The following XRCC6 variants were observed in gnomAD, a reference collection of about 807,000 sequenced individuals.
XRCC6 encodes X-ray repair cross complementing 6, also known as DNA repair protein Ku70.
XRCC6 carries 5 observed loss-of-function variants against 65.7 expected under a neutral mutation model. The observed-to-expected ratio is 0.08, with a 90% CI of 0.04 to 0.16. XRCC6 has a LOEUF of 0.16. Among genes scored for constraint, XRCC6 ranks in the 10% least tolerant of loss-of-function variants. The pLI is 1.00. For synonymous variants in XRCC6, 270 were observed against 270.6 expected (o/e 1.00, Z 0.02); for missense variants, 447 against 738.1 (o/e 0.61, Z 4.57).
At chr22:41,628,267 C>G in intron 3 of XRCC6, 37 bp downstream of exon 3, 3 of 1,560,816 alleles carry the variant, frequency 1.9e-6, no homozygotes, top group Non-Finnish European at 1.8e-6. Context: ...AATTTAAAAA[C>G]AGTATTGGCT....
rs1390461982 is a variant in XRCC6 at position 41,637,659 on chromosome 22, C to A, written c.641C>A (p.Ser214Tyr). The A allele has an allele frequency of 6.2e-7, 1 of 1,611,526 alleles. No homozygotes were observed. Among genetic ancestry groups the A allele is most frequent in the African/African-American group, 1.3e-5 (1 of 74,960 alleles). Residue 214 changes from serine (S) to tyrosine (Y), a missense_variant, in exon 6 of 13, where the codon TCC becomes TAC. Physicochemically the swap from Ser to Tyr is moderately radical, Grantham distance 144. Coordinates refer to ENST00000360079, the MANE Select transcript of XRCC6 (RefSeq NM_001469.5). ...HLKKPGGFDI[S>Y]LFYRDIISIA... ...AAGAAACCTGGGGGCTTTGACATAT[C>A]CTTGTTCTACAGAGATATCATCAGC...
At chr22:41,656,215 CAAAA>C (rs132783) in intron 9 of XRCC6, among the ~76,000 whole-genome samples, 1 of 127,214 alleles carries the variant, frequency 7.9e-6, no homozygotes. Flanking sequence ...GATCCTGTCT[CAAAA>C]AAAAAAAAAA....
intron 6 of XRCC6, among the ~76,000 whole-genome samples, chr22:41,646,161 G>A (rs1280953197): frequency 6.6e-6 from 1 of 152,002 alleles, no homozygotes; most frequent in Admixed American, 6.6e-5. Context: ...AAATTAGCTG[G>A]GTGTCGTGGC....
chr22:41,635,894 T>C (rs982879838), intron 3 of XRCC6, among the ~76,000 whole-genome samples: 2 of 152,168 alleles, frequency 1.3e-5, no homozygotes, highest in African/African-American at 2.4e-5. Context: ...GGACTGCTTA[T>C]ACTTCTAATG....
chr22:41,626,678 C>G (rs1446556982), intron 2 of XRCC6, among the ~76,000 whole-genome samples: 10 of 148,562 alleles, frequency 6.7e-5, no homozygotes, highest in Admixed American at 4.0e-4. Flanking sequence ...CACTCTGTCA[C>G]CTAGGCTGGA....
At chr22:41,641,722 T>C (rs1220789798) in intron 6 of XRCC6, among the ~76,000 whole-genome samples, 4 of 152,188 alleles carry the variant, frequency 2.6e-5, no homozygotes, top group African/African-American at 4.8e-5. Flanking sequence ...TGTGCCTGGC[T>C]TATTTCACTT....
At chr22:41,653,458 C>T (rs1182565045) in intron 8 of XRCC6, 71 bp from the exon 9 acceptor site, 1 of 1,424,912 alleles carries the variant, frequency 7.0e-7, no homozygotes, top group East Asian at 2.3e-5. Context: ...GGAAGAGAAA[C>T]TTTAGGGCTA....
At chr22:41,634,543 T>A (rs1030894231) in intron 3 of XRCC6, among the ~76,000 whole-genome samples, 4 of 140,406 alleles carry the variant, frequency 2.8e-5, no homozygotes, top group African/African-American at 8.8e-5. Context: ...ACTGATGAAC[T>A]CTCTTTTTTT....
intron 2 of XRCC6, among the ~76,000 whole-genome samples, chr22:41,625,346 C>CCATG (rs760018646): frequency 2.0e-5 from 3 of 151,946 alleles, no homozygotes; most frequent in Non-Finnish European, 4.4e-5. Flanking sequence ...AAGCAGCAGG[C>CCATG]CATGCACAGT....
intron 6 of XRCC6, among the ~76,000 whole-genome samples, chr22:41,644,829 T>C (rs2067914898): frequency 6.6e-6 from 1 of 152,078 alleles, no homozygotes; most frequent in South Asian, 2.1e-4. Context: ...CTGCTTAAGC[T>C]GTTGGTATAA....
chr22:41,645,257 C>G (rs1198196108), intron 6 of XRCC6, among the ~76,000 whole-genome samples: 2 of 150,946 alleles, frequency 1.3e-5, no homozygotes, highest in Non-Finnish European at 2.9e-5. Flanking sequence ...GGAGATCGTG[C>G]CATTGCACTC....
Position 41,657,053 on chromosome 22 carries a change from C to T in XRCC6, c.1421+21C>T, listed in dbSNP as rs780814697. ...TACAGGTGAGTCAATCTCAGGCTTT[C>T]TGGAACTGCCTCCTGAGTTGAAAAT... is the stretch of plus-strand genomic sequence containing the variant. On this transcript the variant is annotated intron_variant, in intron 10 of 12. Coordinates refer to ENST00000360079, the MANE Select transcript of XRCC6 (RefSeq NM_001469.5). 17 of 1,544,046 alleles carry T rather than the reference C, an allele frequency of 1.1e-5. No individual in the cohort carries two copies. The Admixed American group carries it at 3.3e-4, about 30-fold the overall frequency.
intron 2 of XRCC6, among the ~76,000 whole-genome samples, chr22:41,625,312 A>C (rs900955626): frequency 6.6e-6 from 1 of 152,168 alleles, no homozygotes; most frequent in Non-Finnish European, 1.5e-5. Context: ...GTTCTCCAGG[A>C]GACAGCTAAT....
chr22:41,656,930 C>T lies in XRCC6; in HGVS notation c.1319C>T (p.Ala440Val). 6.2e-7 allele frequency: 1 copy of T among 1,613,572 alleles called. No individual in the cohort carries two copies. Among genetic ancestry groups the T allele is most frequent in the Non-Finnish European group, 8.5e-7 (1 of 1,179,908 alleles). ...TTCCAGCTGGTCTTTTTACCCTTTG[C>T]TGATGATAAAAGGAAGATGCCCTTT... ...PGFQLVFLPF[A>V]DDKRKMPFTE... is the part of the protein sequence containing the mutation. The change falls in exon 10 of 13, where the codon GCT becomes GTT. Residue 440 changes from alanine to valine, a missense_variant. This residue lies in a region of XRCC6 where 201 missense variants were observed against 374.1 expected (regional missense o/e 0.54). Coordinates refer to ENST00000360079, the MANE Select transcript of XRCC6 (RefSeq NM_001469.5).
intron 6 of XRCC6, among the ~76,000 whole-genome samples, chr22:41,643,635 A>G (rs2067901459): frequency 6.6e-6 from 1 of 152,004 alleles, no homozygotes; most frequent in Admixed American, 6.6e-5. Context: ...AGCCTGGCCA[A>G]CATGGCGAAG....
At chr22:41,635,424 C>A (rs2067799023) in intron 3 of XRCC6, among the ~76,000 whole-genome samples, 1 of 152,206 alleles carries the variant, frequency 6.6e-6, no homozygotes. Context: ...GATCACATGA[C>A]CTGTCCAAAT....
intron 5 of XRCC6, among the ~76,000 whole-genome samples, 178 bp downstream of exon 5, chr22:41,636,948 A>G (rs1164259957): frequency 6.6e-6 from 1 of 151,890 alleles, no homozygotes; most frequent in Admixed American, 6.6e-5. Context: ...GACTTCAGGC[A>G]TGTGCTTTTT....
At chr22:41,638,485 C>T (rs911213475) in intron 6 of XRCC6, among the ~76,000 whole-genome samples, 1 of 151,834 alleles carries the variant, frequency 6.6e-6, no homozygotes, top group Non-Finnish European at 1.5e-5. Flanking sequence ...AGAAAAGGTA[C>T]AATAAAAATA....
At chr22:41,644,432 A>G (rs372212302) in intron 6 of XRCC6, among the ~76,000 whole-genome samples, 14 of 152,124 alleles carry the variant, frequency 9.2e-5, no homozygotes, top group Non-Finnish European at 1.5e-4. Flanking sequence ...CCCCCATAAT[A>G]TAAGAATTTT....
Sources: allele counts gnomAD v4.1 joint callset (sites outside exome capture counted in the v4.1 genomes callset), GRCh38; gene constraint gnomAD v4.1.1; regional missense constraint gnomAD v4.1.1; transcripts MANE v1.5; gene names NCBI Gene and HGNC (gene_info 2026-07-23, HGNC 2026-07-21).